Variants in NCKAP5 observed in about 807,000 individuals in gnomAD.
NCKAP5 encodes the protein nck-associated protein 5.
In NCKAP5, 92 loss-of-function variants were observed where a neutral mutation model predicts 167.0. The observed-to-expected ratio is 0.55, with a 90% CI of 0.47 to 0.66. NCKAP5 has a LOEUF of 0.66. NCKAP5 is among the 30% of genes least tolerant of loss of function. The pLI, the probability that NCKAP5 is intolerant of heterozygous loss-of-function variation, is 0.00. For synonymous variants in NCKAP5, 891 were observed against 877.4 expected (o/e 1.02, Z -0.27); for missense variants, 2,378 against 2,315.0 (o/e 1.03, Z -0.56).
chr2:132,765,446 C>G, intron 16 of NCKAP5, among the ~76,000 whole-genome samples: 1 of 151,730 alleles, frequency 6.6e-6, no homozygotes, highest in East Asian at 2.0e-4. Flanking sequence ...TGCCAAGTAG[C>G]TGTGACTACA....
chr2:133,133,838 G>A (rs1345623319), intron 5 of NCKAP5, among the ~76,000 whole-genome samples: 2 of 152,194 alleles, frequency 1.3e-5, no homozygotes, highest in Non-Finnish European at 2.9e-5. Context: ...ACTGAAAAGA[G>A]AGGCAGGAAG....
intron 3 of NCKAP5, among the ~76,000 whole-genome samples, chr2:133,374,071 C>A (rs564913541): frequency 6.6e-6 from 1 of 152,198 alleles, no homozygotes; most frequent in Non-Finnish European, 1.5e-5. Context: ...ATGTTTACAG[C>A]AGCTTTATTC....
the NCKAP5 span, among the ~76,000 whole-genome samples, chr2:133,575,541 GAATA>G: frequency 6.6e-6 from 1 of 152,128 alleles, no homozygotes; most frequent in Non-Finnish European, 1.5e-5. Flanking sequence ...AGTGCCTTCT[GAATA>G]AATATAAAAA....
chr2:133,113,957 T>C (rs2081996114), intron 6 of NCKAP5, among the ~76,000 whole-genome samples: 1 of 152,222 alleles, frequency 6.6e-6, no homozygotes, highest in Admixed American at 6.5e-5. Context: ...AATGCCATGC[T>C]TGATTCGGCC....
the NCKAP5 span, among the ~76,000 whole-genome samples, chr2:133,584,361 C>T: frequency 1.3e-5 from 2 of 152,218 alleles, no homozygotes; most frequent in South Asian, 4.1e-4. Flanking sequence ...AGAGGCAGTG[C>T]CTAGCCTGAA....
chr2:133,614,086 A>G, the NCKAP5 span, among the ~76,000 whole-genome samples: 1 of 152,206 alleles, frequency 6.6e-6, no homozygotes, highest in Non-Finnish European at 1.5e-5. Context: ...ACACAGGAAC[A>G]TATCAGGAAA....
chr2:133,400,451 T>C (rs1289084687), intron 3 of NCKAP5, among the ~76,000 whole-genome samples: 1 of 152,130 alleles, frequency 6.6e-6, no homozygotes, highest in Non-Finnish European at 1.5e-5. Context: ...GTGTCCTTTT[T>C]AGAGGCAGCA....
Position 132,727,391 on chromosome 2 carries a change from A to T in NCKAP5, c.5580+1425T>A, listed in dbSNP as rs11692408. On this transcript the variant is annotated intron_variant, in intron 18 of 19. Coordinates refer to ENST00000409261, the MANE Select transcript of NCKAP5 (RefSeq NM_207363.3). ...GTTTCCCAATCCTCCCAAAGCCAGCACAGAGTCCTTTGGAACAGTGGCAGC... is the reference window on the plus strand; with the variant it reads ...GTTTCCCAATCCTCCCAAAGCCAGCTCAGAGTCCTTTGGAACAGTGGCAGC... 7.9e-5 allele frequency among the ~76,000 whole-genome samples: 12 copies of T among 152,080 alleles called. No homozygotes were observed. The South Asian group carries it at 2.5e-3, about 32-fold the overall frequency.
intron 8 of NCKAP5, among the ~76,000 whole-genome samples, chr2:132,915,091 C>G (rs1235603389): frequency 1.3e-5 from 2 of 151,760 alleles, no homozygotes; most frequent in African/African-American, 4.8e-5. Flanking sequence ...TTAAAATGTG[C>G]ACAAATAGAA....
At chr2:133,329,293 C>T (rs72987683) in intron 3 of NCKAP5, among the ~76,000 whole-genome samples, 7,850 of 151,938 alleles carry the variant, frequency 0.052, 640 homozygotes, top group African/African-American at 0.18. Flanking sequence ...GGGACAGCCA[C>T]GTGGACAGGG....
At chr2:133,146,221 T>C (rs1316355330) in intron 5 of NCKAP5, among the ~76,000 whole-genome samples, 1 of 148,782 alleles carries the variant, frequency 6.7e-6, no homozygotes, top group East Asian at 2.0e-4. Context: ...AAAAGCAACA[T>C]CTAGATAAAA....
chr2:132,787,381 T>C (rs1038066606), intron 13 of NCKAP5, among the ~76,000 whole-genome samples: 1 of 149,620 alleles, frequency 6.7e-6, no homozygotes, highest in Non-Finnish European at 1.5e-5. Flanking sequence ...ATATGATTAA[T>C]GGTAAAGAGC....
chr2:133,664,876 A>T, the NCKAP5 span, among the ~76,000 whole-genome samples: 273 of 152,342 alleles, frequency 1.8e-3, 1 homozygote, highest in African/African-American at 6.2e-3. Flanking sequence ...CTTCTACATC[A>T]GTACTTTCTG....
At chr2:133,455,904 C>T (rs1176911298) in intron 3 of NCKAP5, among the ~76,000 whole-genome samples, 1 of 152,092 alleles carries the variant, frequency 6.6e-6, no homozygotes, top group Non-Finnish European at 1.5e-5. Context: ...AAAAGTCAGT[C>T]TAGGCAAAAA....
intron 19 of NCKAP5, among the ~76,000 whole-genome samples, chr2:132,713,092 C>T (rs1392696685): frequency 1.5e-5 from 2 of 136,418 alleles, no homozygotes; most frequent in South Asian, 2.4e-4. Context: ...CAGTGTGCTC[C>T]CTTTTGCGTA....
At chr2:132,975,385 TC>T (rs2149249869) in intron 7 of NCKAP5, among the ~76,000 whole-genome samples, 1 of 152,294 alleles carries the variant, frequency 6.6e-6, no homozygotes, top group South Asian at 2.1e-4. Flanking sequence ...TACTCTTCAC[TC>T]AAAACCCTCC....
intron 8 of NCKAP5, among the ~76,000 whole-genome samples, chr2:132,883,898 T>G (rs1224065629): frequency 1.3e-5 from 2 of 152,358 alleles, no homozygotes; most frequent in East Asian, 3.9e-4. Flanking sequence ...TAGGCTAGTT[T>G]GTTACTTTAA....
chr2:132,854,822 T>C (rs923213698), intron 11 of NCKAP5, among the ~76,000 whole-genome samples: 1 of 151,444 alleles, frequency 6.6e-6, no homozygotes. Context: ...GTGGCAGGGG[T>C]GGGGTGGGCA....
chr2:133,509,285 TATC>T (rs962034094), intron 3 of NCKAP5, among the ~76,000 whole-genome samples: 9 of 152,222 alleles, frequency 5.9e-5, no homozygotes, highest in African/African-American at 2.2e-4. Flanking sequence ...AAATCTCCCC[TATC>T]AAGCACCTTG....
Sources: allele counts gnomAD v4.1 joint callset (sites outside exome capture counted in the v4.1 genomes callset), GRCh38; gene constraint gnomAD v4.1.1; transcripts MANE v1.5; gene names NCBI Gene and HGNC (gene_info 2026-07-23, HGNC 2026-07-21).